Variants in FAT3 observed in about 807,000 individuals in gnomAD.
The protein encoded by FAT3 is FAT atypical cadherin 3.
A neutral mutation model predicts 310.2 loss-of-function variants in FAT3; 95 were observed. The ratio of observed to expected loss-of-function variants is 0.31; its 90% CI spans 0.26 to 0.36. The LOEUF is 0.36. FAT3 is among the 10% of genes least tolerant of loss of function. FAT3 has a pLI of 1.00. For synonymous variants in FAT3, 2,314 were observed against 2,192.9 expected (o/e 1.06, Z -1.54); for missense variants, 5,408 against 5,715.6 (o/e 0.95, Z 1.74).
chr11:92,723,653 A>C (rs1944923374), intron 4 of FAT3, among the ~76,000 whole-genome samples: 1 of 152,226 alleles, frequency 6.6e-6, no homozygotes, highest in Non-Finnish European at 1.5e-5. Flanking sequence ...AAAGAGGTTT[A>C]TTGGACTTAC....
intron 1 of FAT3, among the ~76,000 whole-genome samples, chr11:92,289,668 A>G (rs1946645224): frequency 6.6e-6 from 1 of 152,098 alleles, no homozygotes; most frequent in African/African-American, 2.4e-5. Context: ...GGTCCAAGTC[A>G]AGAAGACAGG....
intron 4 of FAT3, among the ~76,000 whole-genome samples, chr11:92,756,107 C>T (rs11020047): frequency 0.028 from 4,332 of 152,210 alleles, 234 homozygotes; most frequent in African/African-American, 0.099. Context: ...TATTAGGTAA[C>T]GATAAAGTGT....
intron 2 of FAT3, among the ~76,000 whole-genome samples, chr11:92,414,028 C>T (rs1329528555): frequency 4.6e-5 from 7 of 152,078 alleles, no homozygotes; most frequent in Non-Finnish European, 1.0e-4. Flanking sequence ...TTGCATTTTG[C>T]GTGTGGAGGT....
chr11:92,412,721 A>ATG (rs1950307022), intron 2 of FAT3, among the ~76,000 whole-genome samples: 1 of 31,486 alleles, frequency 3.2e-5, no homozygotes, highest in South Asian at 1.1e-3. Context: ...ATATATATAT[A>ATG]TATATATATA....
intron 1 of FAT3, among the ~76,000 whole-genome samples, chr11:92,316,777 T>C (rs925862897): frequency 6.6e-6 from 1 of 152,246 alleles, no homozygotes; most frequent in Non-Finnish European, 1.5e-5. Context: ...AGGGAAGGTC[T>C]GTGAGACCTT....
At chr11:92,228,240 C>G (rs1359140465) in intron 1 of FAT3, among the ~76,000 whole-genome samples, 3 of 152,136 alleles carry the variant, frequency 2.0e-5, no homozygotes, top group Admixed American at 2.0e-4. Context: ...TGTTGACCAG[C>G]GACTGGCTCT....
chr11:92,577,977 A>G (rs1938578176), intron 3 of FAT3, among the ~76,000 whole-genome samples: 1 of 152,168 alleles, frequency 6.6e-6, no homozygotes, highest in Non-Finnish European at 1.5e-5. Flanking sequence ...ACTAGAAAAT[A>G]CATACACTGA....
intron 3 of FAT3, among the ~76,000 whole-genome samples, chr11:92,566,123 G>A (rs12575339): frequency 0.39 from 59,302 of 151,894 alleles, 12,301 homozygotes; most frequent in Middle Eastern, 0.53. Flanking sequence ...ACATGATTGT[G>A]TATCTAGAAA....
At position 92,805,075 on chromosome 11, in the gene FAT3, A is replaced by C. The variant is rs541301619; in HGVS notation, c.8897-78A>C. 23 of 1,460,332 alleles carry C rather than the reference A, an allele frequency of 1.6e-5. No homozygotes were observed. The South Asian group carries it at 3.1e-4, about 20-fold the overall frequency. 90.5% of individuals were successfully genotyped at this position (1,460,332 alleles called of 1,614,324 possible). ...TTAAGGAGTACCTGGATGACTCCAC[A>C]TGCACCTCTCAAGGTAGATGTAGAT... On this transcript the variant is annotated intron_variant, in intron 10 of 27. Transcript: ENST00000525166.
chr11:92,794,860 A>T (rs1020036052), intron 9 of FAT3, among the ~76,000 whole-genome samples: 2 of 152,226 alleles, frequency 1.3e-5, no homozygotes, highest in Non-Finnish European at 2.9e-5. Context: ...ACTGGTCCGC[A>T]CTGGTCCTAG....
At chr11:92,654,417 G>T (rs1262609122) in intron 3 of FAT3, among the ~76,000 whole-genome samples, 2 of 152,128 alleles carry the variant, frequency 1.3e-5, no homozygotes, top group East Asian at 1.9e-4. Context: ...CAGAATTCTT[G>T]ATTTCTCTCT....
chr11:92,584,781 G>A (rs1283357394), intron 3 of FAT3, among the ~76,000 whole-genome samples: 2 of 151,866 alleles, frequency 1.3e-5, no homozygotes, highest in Admixed American at 6.6e-5. Flanking sequence ...GTCTTCAGGG[G>A]CCACTTCATT....
chr11:92,519,190 G>T (rs998709364), intron 2 of FAT3, among the ~76,000 whole-genome samples: 64 of 152,110 alleles, frequency 4.2e-4, no homozygotes, highest in African/African-American at 1.4e-3. Flanking sequence ...TTGGCATAAA[G>T]GTAGTCAAAC....
At chr11:92,559,474 T>A in intron 3 of FAT3, 1 of 378,996 alleles carries the variant, frequency 2.6e-6, no homozygotes, top group Non-Finnish European at 5.3e-6. Context: ...AATCTCGAAC[T>A]CCTGGATTCA....
At chr11:92,355,650 G>C (rs1282693036) in intron 2 of FAT3, among the ~76,000 whole-genome samples, 2 of 152,092 alleles carry the variant, frequency 1.3e-5, no homozygotes, top group Non-Finnish European at 2.9e-5. Context: ...TTCTTGCTCA[G>C]CACTATTGCT....
chr11:92,396,042 C>CA (rs1949862249), intron 2 of FAT3, among the ~76,000 whole-genome samples: 1 of 152,186 alleles, frequency 6.6e-6, no homozygotes, highest in East Asian at 1.9e-4. Flanking sequence ...ACAGCCACTT[C>CA]ACTCTAACAT....
chr11:92,745,237 G>A (rs1007690306), intron 4 of FAT3, among the ~76,000 whole-genome samples: 3 of 152,198 alleles, frequency 2.0e-5, no homozygotes, highest in Admixed American at 6.5e-5. Context: ...AGAGGGGAAT[G>A]TGGAATAGTA....
chr11:92,308,561 G>A (rs2134447779), intron 1 of FAT3, among the ~76,000 whole-genome samples: 1 of 152,270 alleles, frequency 6.6e-6, no homozygotes, highest in Middle Eastern at 3.4e-3. Flanking sequence ...TAGCTAACAT[G>A]TATATGAGTC....
intron 3 of FAT3, among the ~76,000 whole-genome samples, chr11:92,566,658 C>T (rs1955460242): frequency 6.6e-6 from 1 of 150,500 alleles, no homozygotes; most frequent in Non-Finnish European, 1.5e-5. Flanking sequence ...CTACAGTAAC[C>T]AAAACAGCAT....
Sources: allele counts gnomAD v4.1 joint callset (sites outside exome capture counted in the v4.1 genomes callset), GRCh38; gene constraint gnomAD v4.1.1; transcripts MANE v1.5; gene names NCBI Gene and HGNC (gene_info 2026-07-23, HGNC 2026-07-21).